The following NAE1 variants were observed in gnomAD, a reference collection of about 807,000 sequenced individuals.
NAE1 encodes NEDD8-activating enzyme E1 regulatory subunit.
Under a neutral mutation model 88.0 loss-of-function variants are expected in NAE1, and 59 were observed. That is an observed-to-expected ratio of 0.67 (90% CI 0.54 to 0.83). The LOEUF (loss-of-function observed/expected upper bound fraction) is 0.83, where lower values mean the gene tolerates loss of function less well. Among genes scored for constraint, NAE1 ranks in the 40% least tolerant of loss-of-function variants. The pLI is 0.00. For synonymous variants in NAE1, 186 were observed against 208.9 expected, an observed-to-expected ratio of 0.89 and a Z score of 0.95; for missense variants, 554 against 632.8, an observed-to-expected ratio of 0.88 and a Z score of 1.34.
chr16:66,826,614 A>C, intron 2 of NAE1, 31 bp from the exon 3 acceptor site: 2 of 1,614,032 alleles, frequency 1.2e-6, no homozygotes, highest in Non-Finnish European at 1.7e-6. Flanking sequence ...AGTCAGGAAT[A>C]CATAGTTCTA....
At chr16:66,828,310 G>C (rs1960546615) in intron 1 of NAE1, among the ~76,000 whole-genome samples, 1 of 151,698 alleles carries the variant, frequency 6.6e-6, no homozygotes, top group Admixed American at 6.6e-5. Context: ...GGCCAACATA[G>C]TGAAACCCCG....
At chr16:66,809,111 G>T in intron 15 of NAE1, 36 bp from the exon 16 acceptor site, 2 of 1,481,882 alleles carry the variant, frequency 1.3e-6, no homozygotes, top group African/African-American at 1.4e-5. Context: ...AGTAATGACT[G>T]TGACTGGTGA....
intron 14 of NAE1, 36 bp downstream of exon 14, chr16:66,810,661 G>C (rs773959510): frequency 1.3e-5 from 21 of 1,580,646 alleles, no homozygotes; most frequent in Non-Finnish European, 5.2e-6. Flanking sequence ...GTTACGTGCT[G>C]AGGCCTGTAT....
At position 66,803,885 on chromosome 16, in the gene NAE1, G is replaced by A. The variant is rs1042856662; in HGVS notation, c.1496-767C>T. 3.3e-5 allele frequency among the ~76,000 whole-genome samples: 5 copies of A among 151,992 alleles called. No individual in the cohort carries two copies. In the South Asian group the frequency reaches 8.3e-4, roughly 25 times the overall value. On this transcript the variant is annotated intron_variant, in intron 19 of 19. Coordinates refer to ENST00000290810, the MANE Select transcript of NAE1 (RefSeq NM_003905.4). ...AGGCCTTACAAGCATTAGCCACCGCGCTCAGCCGACTGGATAGAATTTGAG... is the reference window on the plus strand; with the variant it reads ...AGGCCTTACAAGCATTAGCCACCGCACTCAGCCGACTGGATAGAATTTGAG...
At chr16:66,809,214 C>G (rs1177373669) in intron 15 of NAE1, 139 bp from the exon 16 acceptor site, 8 of 574,332 alleles carry the variant, frequency 1.4e-5, no homozygotes, top group Admixed American at 7.1e-5. Context: ...CTCCTTGGTT[C>G]TAATAGCAGA....
chr16:66,817,933 TTTTA>T (rs1287326209), intron 8 of NAE1, among the ~76,000 whole-genome samples: 6 of 152,208 alleles, frequency 3.9e-5, no homozygotes, highest in African/African-American at 1.2e-4. Flanking sequence ...CTTGGAATTT[TTTTA>T]TTTCTGTTTT....
chr16:66,804,255 A>AAC (rs1959474323), intron 19 of NAE1, among the ~76,000 whole-genome samples: 2 of 151,628 alleles, frequency 1.3e-5, no homozygotes, highest in South Asian at 4.2e-4. Context: ...AAAAAAAAAA[A>AAC]CAAAGAAAAC....
At position 66,813,633 on chromosome 16, in the gene NAE1, T is replaced by C. The variant is rs1959911967; in HGVS notation, c.965A>G (p.Asn322Ser). The C allele has an allele frequency of 6.2e-7, 1 of 1,613,962 alleles. No individual in the cohort carries two copies. Reference sequence around the variant, plus strand: ...AGGAATTGTGCCTCGAACAGGTAAATTTCCTTGACCCTCTTTGGCCACAAA... The same window carrying C: ...AGGAATTGTGCCTCGAACAGGTAAACTTCCTTGACCCTCTTTGGCCACAAA... ...KEFVAKEGQG[N>S]LPVRGTIPDM... is the part of the protein sequence containing the mutation. The change falls in exon 13 of 20, where the codon AAT (asparagine) becomes AGT (serine). Residue 322 changes from asparagine (N) to serine (S), a missense_variant. By Grantham distance (46) the Asn-to-Ser change is conservative (BLOSUM62 1). Transcript: ENST00000290810.
At chr16:66,828,931 TGCCACTGCACTCTA>T (rs1046309721) in intron 1 of NAE1, among the ~76,000 whole-genome samples, 37 of 151,236 alleles carry the variant, frequency 2.4e-4, no homozygotes, top group African/African-American at 7.5e-4. Context: ...GCAGTGTTCT[TGCCACTGCACTCTA>T]GCCACTGCAC....
intron 17 of NAE1, among the ~76,000 whole-genome samples, chr16:66,807,937 A>G (rs1207135852): frequency 6.6e-6 from 1 of 151,174 alleles, no homozygotes; most frequent in African/African-American, 2.4e-5. Flanking sequence ...CAGTCTCACC[A>G]CAGTCACCCA....
intron 11 of NAE1, among the ~76,000 whole-genome samples, chr16:66,816,149 T>G (rs1416234971): frequency 6.6e-6 from 1 of 152,106 alleles, no homozygotes; most frequent in African/African-American, 2.4e-5. Context: ...TGGTCAGACC[T>G]CAACAACTAA....
At chr16:66,815,152 C>G (rs181650748) in intron 11 of NAE1, among the ~76,000 whole-genome samples, 30 of 152,322 alleles carry the variant, frequency 2.0e-4, no homozygotes, top group African/African-American at 6.3e-4. Context: ...TTCACAGCAC[C>G]TGGTGCATTT....
At chr16:66,810,298 T>C (rs1567488784) in intron 15 of NAE1, 76 bp downstream of exon 15, 1 of 1,251,100 alleles carries the variant, frequency 8.0e-7, no homozygotes, top group South Asian at 1.3e-5. Context: ...ATTTCAACCA[T>C]TCAAAATACC....
chr16:66,819,488 A>C, intron 7 of NAE1, among the ~76,000 whole-genome samples: 1 of 152,198 alleles, frequency 6.6e-6, no homozygotes, highest in Non-Finnish European at 1.5e-5. Flanking sequence ...AAATAATTTA[A>C]TCTCTCATTG....
intron 15 of NAE1, among the ~76,000 whole-genome samples, chr16:66,810,046 C>T (rs1202031457): frequency 1.3e-5 from 2 of 151,330 alleles, no homozygotes; most frequent in Admixed American, 6.6e-5. Context: ...AGACTTCACA[C>T]CCAAAGTCTT....
rs1960255014 is a variant in NAE1, at chr16:66,821,463, T to C, written c.498A>G (p.Ile166Met). 1 of 1,571,894 alleles carries C rather than the reference T, an allele frequency of 6.4e-7. No individual in the cohort carries two copies. The highest frequency in any genetic ancestry group is 1.4e-5 in the African/African-American group (1 of 72,618). The change falls in exon 7 of 20, where the codon ATA (isoleucine) becomes ATG (methionine). Residue 166 changes from isoleucine (I) to methionine (M), a missense_variant. Physicochemically the swap from Ile to Met is conservative, Grantham distance 10 (BLOSUM62 1). Transcript: ENST00000290810. Reference sequence around the variant, plus strand: ...CAACAATTTTACCTGGATGTTCTTTTATAATGATCCTCATATAACCAACTA... The same window carrying C: ...CAACAATTTTACCTGGATGTTCTTTCATAATGATCCTCATATAACCAACTA... ...YGLVGYMRII[I>M]KEHPVIESHP...
In NAE1 at chr16:66,824,781, A is replaced by G; in HGVS notation, c.249+74T>C. ...AGAAATAATACACGTTTTTAAAGTC[A>G]AAGCTTTTCAAGCAATCAAAACACA... On this transcript the variant is annotated intron_variant, in intron 4 of 19. Coordinates refer to ENST00000290810, the MANE Select transcript of NAE1 (RefSeq NM_003905.4). 3 of 1,357,456 alleles carry G rather than the reference A, an allele frequency of 2.2e-6. No individual in the cohort carries two copies. In the South Asian group the frequency reaches 3.8e-5, roughly 17 times the overall value. The allele number at this position is 1,357,456 out of a possible 1,614,324, so 84.1% of individuals were successfully genotyped here.
At chr16:66,823,706 A>G in intron 4 of NAE1, 106 bp from the exon 5 acceptor site, 1 of 798,476 alleles carries the variant, frequency 1.3e-6, no homozygotes, top group Non-Finnish European at 2.0e-6. Flanking sequence ...TCCAAATTTC[A>G]TGCATAAGTA....
Position 66,802,992 on chromosome 16 carries a change from T to G in NAE1, c.*17A>C, listed in dbSNP as rs751645410. ...CAGTTTCAATCATTAACACACTACT[T>G]AAGGTGCTTGCTTACTCTACAACTG... On this transcript the variant is annotated 3_prime_UTR_variant, in exon 20 of 20. Coordinates refer to ENST00000290810, the MANE Select transcript of NAE1 (RefSeq NM_003905.4). 6.8e-7 allele frequency: 1 copy of G among 1,472,578 alleles called. No homozygotes were observed. The highest frequency in any genetic ancestry group is 9.5e-7 in the Non-Finnish European group (1 of 1,051,490). 91.2% of individuals were successfully genotyped at this position (1,472,578 alleles called of 1,614,324 possible).
Sources: gnomAD v4.1 joint callset for allele counts (sites outside exome capture counted in the v4.1 genomes callset) on GRCh38, gnomAD v4.1.1 for gene constraint, MANE v1.5 for transcripts, NCBI Gene and HGNC (gene_info 2026-07-23, HGNC 2026-07-21) for gene names.